Variants in RAB4A observed in about 807,000 individuals in gnomAD.
The protein encoded by RAB4A is ras-related protein Rab-4A.
A neutral mutation model predicts 34.5 loss-of-function variants in RAB4A; 20 were observed. That is an observed-to-expected ratio of 0.58 (90% confidence interval 0.41 to 0.84). The LOEUF (loss-of-function observed/expected upper bound fraction) is 0.84. Among genes scored for constraint, RAB4A ranks in the 40% least tolerant of loss-of-function variants. The pLI, the probability that RAB4A is intolerant of heterozygous loss-of-function variation, is 0.00. For missense variants in RAB4A, 228 were observed against 274.5 expected (o/e 0.83, Z 1.20); for synonymous variants, 102 against 100.0 (o/e 1.02, Z -0.12).
chr1:229,280,081 T>G (rs981345179), intron 1 of RAB4A, among the ~76,000 whole-genome samples: 1 of 152,204 alleles, frequency 6.6e-6, no homozygotes, highest in Non-Finnish European at 1.5e-5. Context: ...ATACACATGG[T>G]ATGCTATATA....
chr1:229,271,332 C>T lies in RAB4A; in HGVS notation c.-8C>T, dbSNP rs1383888037. 5 of 1,308,966 alleles carry T rather than the reference C, an allele frequency of 3.8e-6. 1 individual carries two copies. The African/African-American group carries it at 6.2e-5, about 16-fold the overall frequency. 81.1% of individuals were successfully genotyped at this position (1,308,966 alleles called of 1,614,324 possible). A position where few individuals can be genotyped will look rare whatever the true frequency, so the allele number is the denominator to read the frequency against. On this transcript the variant is annotated 5_prime_UTR_variant, in exon 1 of 8. Coordinates refer to ENST00000366690, the MANE Select transcript of RAB4A (RefSeq NM_004578.4). ...GGTGACCCGGCGAGAGGCGGCGCCGCTCCCAAGATGTCGCAGACGGCCATG... is the reference window on the plus strand; with the variant it reads ...GGTGACCCGGCGAGAGGCGGCGCCGTTCCCAAGATGTCGCAGACGGCCATG...
Position 229,272,196 on chromosome 1 carries a change from A to C in RAB4A, c.31+826A>C, listed in dbSNP as rs187175827. On this transcript the variant is annotated intron_variant, in intron 1 of 7. Transcript: ENST00000366690. The stretch of plus-strand genomic sequence containing the variant: ...TACTTTGTATCAGAGTTGAATATTA[A>C]TAGATGTTTACCAGTCCCTAATCAC... Among the ~76,000 whole-genome samples, 6 of 152,206 alleles carry C rather than the reference A, an allele frequency of 3.9e-5. No homozygotes were observed. In the East Asian group the frequency reaches 1.2e-3, roughly 29 times the overall value.
chr1:229,284,051 ATTTCT>A (rs1656853000), intron 1 of RAB4A, among the ~76,000 whole-genome samples: 1 of 99,396 alleles, frequency 1.0e-5, no homozygotes, highest in South Asian at 3.2e-4. Context: ...AGTCTTTGAT[ATTTCT>A]TTTCTAGGGT....
At position 229,305,077 on chromosome 1, in the gene RAB4A, C is replaced by CTGCTT. The variant is rs1252121088; in HGVS notation, c.*1286_*1290dup. On this transcript the variant is annotated 3_prime_UTR_variant, in exon 8 of 8. Coordinates refer to ENST00000366690, the MANE Select transcript of RAB4A (RefSeq NM_004578.4). The stretch of plus-strand genomic sequence containing the variant: ...TTAACTTTTAGTTAGAAGATGCCTA[C>CTGCTT]TGCTTTTGTTGTTTATTTTAATCAG... The CTGCTT allele has an allele frequency of 6.9e-7, 1 of 1,455,792 alleles. No homozygotes were observed. The highest frequency in any genetic ancestry group is 2.6e-5 in the East Asian group (1 of 38,198). The allele number at this position is 1,455,792 out of a possible 1,614,324, so 90.2% of individuals were successfully genotyped here. A position where few individuals can be genotyped will look rare whatever the true frequency, so the allele number is the denominator to read the frequency against.
intron 6 of RAB4A, among the ~76,000 whole-genome samples, chr1:229,302,293 ATATATATATATATATATTTTTTT>A (rs1186595094): frequency 8.3e-5 from 2 of 24,216 alleles, no homozygotes; most frequent in African/African-American, 4.5e-4. Flanking sequence ...ATATATATAT[ATATATATATATATATATTTTTTT>A]TTTTTTTTTA....
chr1:229,271,467 G>A (rs1223142695), intron 1 of RAB4A, 97 bp downstream of exon 1: 7 of 1,050,686 alleles, frequency 6.7e-6, no homozygotes, highest in Middle Eastern at 3.9e-4. Flanking sequence ...GAGGGTGGCG[G>A]TGGCGCCGGC....
Position 229,305,484 on chromosome 1 carries a change from A to G in RAB4A, c.*1691A>G. The G allele has an allele frequency of 2.1e-6, 1 of 486,722 alleles. No individual in the cohort carries two copies. Among genetic ancestry groups the G allele is most frequent in the Non-Finnish European group, 3.5e-6 (1 of 286,770 alleles). 30.2% of individuals were successfully genotyped at this position (486,722 alleles called of 1,614,324 possible). A position where few individuals can be genotyped will look rare whatever the true frequency, so the allele number is the denominator to read the frequency against. ...TATCCTTCTGCATCCTTTGGCCAATAAAAGTTGCTGGAGAACCAAACCATG... is the reference window on the plus strand; with the variant it reads ...TATCCTTCTGCATCCTTTGGCCAATGAAAGTTGCTGGAGAACCAAACCATG... On this transcript the variant is annotated 3_prime_UTR_variant, in exon 8 of 8. Transcript: ENST00000366690.
chr1:229,305,075 T>A lies in RAB4A; in HGVS notation c.*1282T>A. ...AATTAACTTTTAGTTAGAAGATGCC[T>A]ACTGCTTTTGTTGTTTATTTTAATC... On this transcript the variant is annotated 3_prime_UTR_variant, in exon 8 of 8. Coordinates refer to ENST00000366690, the MANE Select transcript of RAB4A (RefSeq NM_004578.4). The A allele has an allele frequency of 2.7e-6, 4 of 1,459,980 alleles. No individual in the cohort carries two copies. Among genetic ancestry groups the A allele is most frequent in the Non-Finnish European group, 2.7e-6 (3 of 1,104,878 alleles). 90.4% of individuals were successfully genotyped at this position (1,459,980 alleles called of 1,614,324 possible).
chr1:229,280,550 T>C (rs1395427675), intron 1 of RAB4A, among the ~76,000 whole-genome samples: 3 of 152,210 alleles, frequency 2.0e-5, no homozygotes, highest in Non-Finnish European at 4.4e-5. Context: ...TCTGATAATA[T>C]CACGTATTTT....
intron 3 of RAB4A, 85 bp from the exon 4 acceptor site, chr1:229,295,763 C>A: frequency 7.7e-7 from 1 of 1,303,452 alleles, no homozygotes; most frequent in Non-Finnish European, 1.1e-6. Flanking sequence ...GTTTACAAAG[C>A]AAGCATGGGT....
intron 1 of RAB4A, among the ~76,000 whole-genome samples, 190 bp downstream of exon 1, chr1:229,271,560 AGCGGGTGCGCGGGGC>A (rs1656478398): frequency 7.1e-6 from 1 of 141,692 alleles, no homozygotes; most frequent in African/African-American, 2.7e-5. Flanking sequence ...CGGGTGGGGT[AGCGGGTGCGCGGGGC>A]GCGGGGGCGC....
At chr1:229,284,598 A>C (rs150910013) in intron 1 of RAB4A, among the ~76,000 whole-genome samples, 1 of 152,080 alleles carries the variant, frequency 6.6e-6, no homozygotes, top group Admixed American at 6.5e-5. Context: ...TGGAATCAAG[A>C]CACCTAGTTT....
chr1:229,281,816 TTATATATATA>T (rs61184911), intron 1 of RAB4A, among the ~76,000 whole-genome samples: 28,094 of 140,350 alleles, frequency 0.2, 2,769 homozygotes, highest in African/African-American at 0.23. Context: ...CTTATCATAG[TTATATATATA>T]TATATATATA....
At chr1:229,273,425 G>A (rs1186889761) in intron 1 of RAB4A, among the ~76,000 whole-genome samples, 6 of 152,058 alleles carry the variant, frequency 3.9e-5, no homozygotes, top group African/African-American at 1.5e-4. Context: ...GAAATTAATC[G>A]AAAACTAGTA....
chr1:229,297,489 A>G lies in RAB4A; in HGVS notation c.298A>G (p.Thr100Ala), dbSNP rs765592653. ...CAATCTTATATTACGCAGCCGAGAA[A>G]CCTACAATGCGCTTACTAATTGGTT... Reference protein sequence around the residue: ...LLVYDITSRETYNALTNWLTD... With the variant: ...LLVYDITSREAYNALTNWLTD... The change falls in exon 5 of 8, where the codon ACC becomes GCC. Residue 100 changes from threonine to alanine, a missense_variant. Transcript: ENST00000366690. 1 of 1,591,810 alleles carries G rather than the reference A, an allele frequency of 6.3e-7. No individual in the cohort carries two copies. Among genetic ancestry groups the G allele is most frequent in the African/African-American group, 1.4e-5 (1 of 73,586 alleles).
rs375101002 is a variant in RAB4A at position 229,295,925 on chromosome 1, C to T, written c.290+15C>T. The T allele has an allele frequency of 1.2e-5, 20 of 1,613,702 alleles. No homozygotes were observed. The highest frequency in any genetic ancestry group is 1.6e-5 in the Non-Finnish European group (19 of 1,179,792). On this transcript the variant is annotated intron_variant, in intron 4 of 7. Coordinates refer to ENST00000366690, the MANE Select transcript of RAB4A (RefSeq NM_004578.4). ...GATATCACCAGGTAATGCCAGCTCCCCCTGGTGAAGGAGGGTGCTCAGTGC... is the reference window on the plus strand; with the variant it reads ...GATATCACCAGGTAATGCCAGCTCCTCCTGGTGAAGGAGGGTGCTCAGTGC...
intron 1 of RAB4A, among the ~76,000 whole-genome samples, chr1:229,276,683 CAG>C (rs1315879459): frequency 7.9e-5 from 12 of 151,394 alleles, no homozygotes; most frequent in Admixed American, 5.2e-4. Context: ...TATTGGGTTT[CAG>C]AGTCTTTTGA....
intron 4 of RAB4A, among the ~76,000 whole-genome samples, chr1:229,296,295 C>A (rs1363567768): frequency 2.6e-5 from 4 of 152,088 alleles, no homozygotes; most frequent in Non-Finnish European, 5.9e-5. Context: ...GGTTCAAATC[C>A]CAGTTGCAGT....
chr1:229,287,969 C>T (rs559751560), intron 2 of RAB4A, among the ~76,000 whole-genome samples: 3 of 152,270 alleles, frequency 2.0e-5, no homozygotes, highest in East Asian at 1.9e-4. Flanking sequence ...AGTGTATTCC[C>T]GCTGGGTTTA....
Sources: gnomAD v4.1 joint callset for allele counts (sites outside exome capture counted in the v4.1 genomes callset) on GRCh38, gnomAD v4.1.1 for gene constraint, MANE v1.5 for transcripts, NCBI Gene and HGNC (gene_info 2026-07-23, HGNC 2026-07-21) for gene names.